The following GRP variants were observed in gnomAD, a reference collection of about 807,000 sequenced individuals.
The protein encoded by GRP is gastrin releasing peptide.
GRP carries 11 observed loss-of-function variants against 12.7 expected under a neutral mutation model. The ratio of observed to expected loss-of-function variants is 0.87; its 90% CI spans 0.55 to 1.44. The LOEUF (loss-of-function observed/expected upper bound fraction) is 1.44. Ranked by LOEUF, GRP falls within the 40% of genes most tolerant of loss-of-function variation. The probability of loss-of-function intolerance (pLI) is 0.00; values close to 1 mark genes in which losing one functional copy is unlikely to be tolerated. For missense variants in GRP, 212 were observed against 185.4 expected (o/e 1.14, Z -0.83); for synonymous variants, 84 against 77.7 (o/e 1.08, Z -0.43).
chr18:59,220,750 G>A (rs774603012), intron 1 of GRP, among the ~76,000 whole-genome samples: 17 of 152,152 alleles, frequency 1.1e-4, no homozygotes, highest in Non-Finnish European at 1.3e-4. Context: ...TGTCCGCCTA[G>A]TCTCAACCTG....
Position 59,220,581 on chromosome 18 carries a change from C to T in GRP, c.139+177C>T, listed in dbSNP as rs180969154. Among the ~76,000 whole-genome samples the T allele has an allele frequency of 7.2e-4, 110 of 152,286 alleles. 2 individuals carry two copies. The highest frequency in any genetic ancestry group is 2.5e-3 in the African/African-American group (103 of 41,574). On this transcript the variant is annotated intron_variant, in intron 1 of 2. Transcript: ENST00000256857. ...TCTCCTAAAACTCCACCCCACCTTT[C>T]CCCATTCTAGGGAGCCCATGAGTCC... is the stretch of plus-strand genomic sequence containing the variant.
chr18:59,220,096 A>T (rs1414970620), upstream of GRP: 3 of 408,724 alleles, frequency 7.3e-6, no homozygotes, highest in Non-Finnish European at 1.3e-5. Flanking sequence ...TCCGCGATAG[A>T]AGAGCCCCCC....
At chr18:59,221,378 G>T (rs1279560013) in intron 1 of GRP, among the ~76,000 whole-genome samples, 1 of 152,124 alleles carries the variant, frequency 6.6e-6, no homozygotes, top group Non-Finnish European at 1.5e-5. Context: ...GGCAGGAAGC[G>T]CCTGGCAGCC....
upstream of GRP, chr18:59,220,059 C>G: frequency 2.3e-6 from 1 of 438,720 alleles, no homozygotes; most frequent in Non-Finnish European, 4.0e-6. Context: ...CCCCGGTTAG[C>G]TATAGGGAGA....
intron 1 of GRP, among the ~76,000 whole-genome samples, chr18:59,223,677 T>C (rs913351850): frequency 1.8e-4 from 27 of 152,236 alleles, no homozygotes; most frequent in Admixed American, 2.6e-4. Context: ...TCACTGGGAG[T>C]ATCAGGATTC....
Position 59,220,219 on chromosome 18 carries a change from C to T in GRP, c.-47C>T, listed in dbSNP as rs1280846220. On this transcript the variant is annotated 5_prime_UTR_variant, in exon 1 of 3. Coordinates refer to ENST00000256857, the MANE Select transcript of GRP (RefSeq NM_002091.5). The stretch of plus-strand genomic sequence containing the variant: ...CCGAGGTCCGGGTCACCAGTCTCTG[C>T]TCTTCCCAGCCTCTCCGGCGCGCTC... The T allele has an allele frequency of 6.5e-6, 9 of 1,388,622 alleles. No homozygotes were observed. Among genetic ancestry groups the T allele is most frequent in the Non-Finnish European group, 7.5e-6 (8 of 1,071,984 alleles). The allele number at this position is 1,388,622 out of a possible 1,614,324, so 86.0% of individuals were successfully genotyped here.
chr18:59,227,024 T>TCTTTCTTTCTTCCTTC lies in GRP; in HGVS notation c.382+1301_382+1302insCCTTCCTTTCTTTCTT, dbSNP rs1568084940. Among the ~76,000 whole-genome samples the TCTTTCTTTCTTCCTTC allele has an allele frequency of 8.3e-5, 12 of 145,308 alleles. No individual in the cohort carries two copies. The East Asian group carries it at 2.4e-3, about 29-fold the overall frequency. On this transcript the variant is annotated intron_variant, in intron 2 of 2. Transcript: ENST00000256857. ...TTCTTTCTTTCTTTCTTTCTTTCTT[T>TCTTTCTTTCTTCCTTC]CTTTCTTTCTTTCTTTCTTTCTTTC...
Position 59,220,354 on chromosome 18 carries a change from G to A in GRP, c.89G>A (p.Gly30Glu). 1 of 1,477,734 alleles carries A rather than the reference G, an allele frequency of 6.8e-7. No individual in the cohort carries two copies. Among genetic ancestry groups the A allele is most frequent in the Non-Finnish European group, 8.9e-7 (1 of 1,117,516 alleles). 91.5% of individuals were successfully genotyped at this position (1,477,734 alleles called of 1,614,324 possible). Residue 30 changes from glycine (G) to glutamate (E), a missense_variant, in exon 1 of 3, where the codon GGA (glycine) becomes GAA (glutamate). Gly to Glu is a moderately conservative substitution (Grantham distance 98). Transcript: ENST00000256857. ...CGAGCGGTCCCGCTGCCTGCGGGCG[G>A]AGGGACCGTGCTGACCAAGATGTAC... is the stretch of plus-strand genomic sequence containing the variant. ...RGRAVPLPAGGGTVLTKMYPR... is the reference protein window; with the variant it reads ...RGRAVPLPAGEGTVLTKMYPR...
chr18:59,222,127 C>T lies in GRP; in HGVS notation c.139+1723C>T, dbSNP rs545657923. 3.9e-5 allele frequency among the ~76,000 whole-genome samples: 6 copies of T among 152,244 alleles called. No homozygotes were observed. In the South Asian group the frequency reaches 1.2e-3, roughly 32 times the overall value. On this transcript the variant is annotated intron_variant, in intron 1 of 2. Transcript: ENST00000256857. ...AAGATGGAATGAAAGTTCTGGATTC[C>T]CAATCTCTTTGTACTCATCTATATT...
At position 59,221,565 on chromosome 18, in the gene GRP, A is replaced by ATG. The variant is rs201366593; in HGVS notation, c.139+1171_139+1172dup. ...TCCCTGAAGAGATTTAAGAGTGTGT[A>ATG]TGTGTGTGTGTCTCTGTGTGTGTGT... On this transcript the variant is annotated intron_variant, in intron 1 of 2. Coordinates refer to ENST00000256857, the MANE Select transcript of GRP (RefSeq NM_002091.5). Among the ~76,000 whole-genome samples, 288 of 147,888 alleles carry ATG rather than the reference A, an allele frequency of 1.9e-3. 3 individuals carry two copies. In the East Asian group the frequency reaches 0.025, roughly 13 times the overall value.
intron 2 of GRP, among the ~76,000 whole-genome samples, chr18:59,229,048 G>A (rs2069988584): frequency 6.6e-6 from 1 of 152,172 alleles, no homozygotes; most frequent in African/African-American, 2.4e-5. Flanking sequence ...CATCAAATCA[G>A]TACAGAGAAT....
chr18:59,220,101 CCCCCCAG>C, upstream of GRP: 1 of 348,736 alleles, frequency 2.9e-6, no homozygotes. Flanking sequence ...GATAGAAGAG[CCCCCCAG>C]CCCCCCCGCC....
At chr18:59,222,092 T>C (rs1485293836) in intron 1 of GRP, among the ~76,000 whole-genome samples, 1 of 152,194 alleles carries the variant, frequency 6.6e-6, no homozygotes, top group Non-Finnish European at 1.5e-5. Context: ...CACCAGCCAA[T>C]GGGGCTGGAA....
intron 1 of GRP, among the ~76,000 whole-genome samples, chr18:59,223,606 T>C (rs2069869609): frequency 6.6e-6 from 1 of 152,204 alleles, no homozygotes; most frequent in Non-Finnish European, 1.5e-5. Context: ...AATAACTCTT[T>C]CTCATTTCCA....
upstream of GRP, among the ~76,000 whole-genome samples, chr18:59,219,325 C>T (rs1209482166): frequency 6.7e-6 from 1 of 149,730 alleles, no homozygotes; most frequent in Non-Finnish European, 1.5e-5. Context: ...GGCAGAGCTG[C>T]CTGGGAATAC....
chr18:59,226,595 T>C (rs2069925188), intron 2 of GRP, among the ~76,000 whole-genome samples: 1 of 152,166 alleles, frequency 6.6e-6, no homozygotes, highest in African/African-American at 2.4e-5. Flanking sequence ...AGGAAACTAG[T>C]CCCATAGCTT....
upstream of GRP, among the ~76,000 whole-genome samples, chr18:59,219,967 A>G (rs949821314): frequency 2.6e-5 from 4 of 152,148 alleles, no homozygotes; most frequent in Admixed American, 1.3e-4. Context: ...GGCTACGAGG[A>G]AAAAAGAGGG....
At chr18:59,225,167 T>G (rs879698323) in intron 1 of GRP, among the ~76,000 whole-genome samples, 3 of 152,164 alleles carry the variant, frequency 2.0e-5, no homozygotes, top group African/African-American at 7.2e-5. Flanking sequence ...TAGTCTACCC[T>G]GTTCATTTTA....
intron 2 of GRP, among the ~76,000 whole-genome samples, chr18:59,227,433 G>C (rs571809979): frequency 6.6e-6 from 1 of 152,064 alleles, no homozygotes; most frequent in African/African-American, 2.4e-5. Flanking sequence ...ATACTCTGAG[G>C]GTTCTGTGAA....
Sources: allele counts gnomAD v4.1 joint callset (sites outside exome capture counted in the v4.1 genomes callset), GRCh38; gene constraint gnomAD v4.1.1; transcripts MANE v1.5; gene names NCBI Gene and HGNC (gene_info 2026-07-23, HGNC 2026-07-21).